LPIN2: variants seen among roughly 807,000 people sequenced by gnomAD.
LPIN2 encodes lipin 2.
LPIN2 carries 55 observed loss-of-function variants against 111.4 expected under a neutral mutation model. The ratio of observed to expected loss-of-function variants is 0.49; its 90% CI spans 0.40 to 0.62. The LOEUF (loss-of-function observed/expected upper bound fraction) is 0.62. LPIN2 is among the 20% of genes least tolerant of loss of function. LPIN2 has a pLI of 0.00. For synonymous variants in LPIN2, 425 were observed against 414.0 expected, an observed-to-expected ratio of 1.03 and a Z score of -0.32; for missense variants, 992 against 1,112.1, an observed-to-expected ratio of 0.89 and a Z score of 1.54.
rs201049869 is a variant in LPIN2 at position 2,989,330 on chromosome 18, A to T, written c.-10+23757T>A. Reference sequence around the variant, plus strand: ...TCTAAAAGAAAAAAAATGCCTAGGAATAAATTTAACCAAGGAGGTGAAAGC... The same window carrying T: ...TCTAAAAGAAAAAAAATGCCTAGGATTAAATTTAACCAAGGAGGTGAAAGC... On this transcript the variant is annotated intron_variant, in intron 1 of 19. Transcript: ENST00000677752. Among the ~76,000 whole-genome samples the T allele has an allele frequency of 1.1e-4, 16 of 152,340 alleles. No homozygotes were observed. In the East Asian group the frequency reaches 2.9e-3, roughly 27 times the overall value.
intron 2 of LPIN2, among the ~76,000 whole-genome samples, chr18:2,957,521 T>G (rs1231165812): frequency 2.0e-5 from 3 of 151,944 alleles, no homozygotes; most frequent in Admixed American, 6.6e-5. Context: ...CTTTAGGGAG[T>G]AGAGGTGGGC....
At chr18:3,007,434 G>A (rs1216813321) in intron 1 of LPIN2, among the ~76,000 whole-genome samples, 1 of 152,228 alleles carries the variant, frequency 6.6e-6, no homozygotes, top group Non-Finnish European at 1.5e-5. Context: ...GCCTCCCAAA[G>A]TGCTGGGATT....
At chr18:2,954,311 G>T (rs908902911) in intron 3 of LPIN2, among the ~76,000 whole-genome samples, 193 bp downstream of exon 3, 2 of 152,202 alleles carry the variant, frequency 1.3e-5, no homozygotes, top group East Asian at 1.9e-4. Flanking sequence ...CTGAAACTTT[G>T]TATGGAGAAA....
intron 1 of LPIN2, among the ~76,000 whole-genome samples, chr18:3,008,195 A>T (rs2078545088): frequency 6.6e-6 from 1 of 152,244 alleles, no homozygotes; most frequent in Non-Finnish European, 1.5e-5. Context: ...TAATCCCAAC[A>T]CTTTCGGAGG....
intron 8 of LPIN2, among the ~76,000 whole-genome samples, chr18:2,933,113 G>C (rs16944071): frequency 0.026 from 4,021 of 152,300 alleles, 179 homozygotes; most frequent in African/African-American, 0.091. Context: ...AAGATGCTAA[G>C]GATCATGACA....
At chr18:2,956,135 C>T (rs1233115888) in intron 2 of LPIN2, among the ~76,000 whole-genome samples, 1 of 151,996 alleles carries the variant, frequency 6.6e-6, no homozygotes, top group African/African-American at 2.4e-5. Flanking sequence ...AATTCTGAAA[C>T]TATTTTGTGT....
chr18:2,968,592 AG>A (rs1234128830), intron 1 of LPIN2, among the ~76,000 whole-genome samples: 4 of 145,004 alleles, frequency 2.8e-5, no homozygotes, highest in Non-Finnish European at 6.1e-5. Context: ...TACTTGGGAG[AG>A]TTAGGTAAGG....
chr18:3,007,002 TA>T (rs577110033), intron 1 of LPIN2, among the ~76,000 whole-genome samples: 2,961 of 142,806 alleles, frequency 0.021, 77 homozygotes, highest in African/African-American at 0.063. Flanking sequence ...CTTGTCTCTT[TA>T]AAAAAAAAAA....
chr18:2,966,504 G>A (rs551371823), intron 1 of LPIN2, among the ~76,000 whole-genome samples: 4 of 152,168 alleles, frequency 2.6e-5, no homozygotes, highest in African/African-American at 9.7e-5. Flanking sequence ...ACACTATTAA[G>A]TGGCAGAGTT....
chr18:2,958,363 A>G (rs1310055748), intron 2 of LPIN2, among the ~76,000 whole-genome samples: 1 of 151,978 alleles, frequency 6.6e-6, no homozygotes, highest in Non-Finnish European at 1.5e-5. Flanking sequence ...ATTATACTAC[A>G]TCTCTCTAAA....
Position 2,931,451 on chromosome 18 carries a change from C to A in LPIN2, c.1269-8G>T. ...GAACCGGGCTCCGATTCACTGTGGACAGGGGATGGGGAAAAGATGTGCTTT... is the reference window on the plus strand; with the variant it reads ...GAACCGGGCTCCGATTCACTGTGGAAAGGGGATGGGGAAAAGATGTGCTTT... On this transcript the variant is annotated splice_polypyrimidine_tract_variant and splice_region_variant and intron_variant, in intron 8 of 19. Transcript: ENST00000677752. The A allele has an allele frequency of 1.9e-6, 3 of 1,571,610 alleles. No homozygotes were observed. Among genetic ancestry groups the A allele is most frequent in the Non-Finnish European group, 1.7e-6 (2 of 1,158,506 alleles).
chr18:2,927,112 G>C (rs965860378), intron 12 of LPIN2, among the ~76,000 whole-genome samples: 1 of 152,174 alleles, frequency 6.6e-6, no homozygotes, highest in Non-Finnish European at 1.5e-5. Flanking sequence ...TTCTCCTCCT[G>C]GGAGTAACTC....
chr18:2,948,136 A>G (rs2077482620), intron 4 of LPIN2: 2 of 152,186 alleles, frequency 1.3e-5, no homozygotes, highest in Admixed American at 1.3e-4. Flanking sequence ...ATATTATTTA[A>G]GCAGATTCTA....
intron 8 of LPIN2, among the ~76,000 whole-genome samples, chr18:2,933,700 T>C (rs2144174121): frequency 6.6e-6 from 1 of 152,356 alleles, no homozygotes; most frequent in East Asian, 1.9e-4. Context: ...GGAGAAAAGT[T>C]GTTTTTTTCT....
At chr18:2,964,346 C>T (rs539740666) in intron 1 of LPIN2, among the ~76,000 whole-genome samples, 2 of 151,604 alleles carry the variant, frequency 1.3e-5, no homozygotes, top group East Asian at 1.9e-4. Flanking sequence ...CTATGACCTC[C>T]CTCTGTCCCC....
At chr18:2,939,135 T>C (rs1204023290) in intron 6 of LPIN2, among the ~76,000 whole-genome samples, 7 of 152,236 alleles carry the variant, frequency 4.6e-5, no homozygotes, top group African/African-American at 1.7e-4. Context: ...CTCTCCAGCA[T>C]GGGTGACAGA....
chr18:2,928,467 T>TA, intron 11 of LPIN2, 124 bp downstream of exon 11: 11 of 945,668 alleles, frequency 1.2e-5, no homozygotes, highest in Non-Finnish European at 1.9e-5. Context: ...TCTTTTATAT[T>TA]AAATATTAAG....
At chr18:2,953,777 A>C (rs1430103547) in intron 3 of LPIN2, among the ~76,000 whole-genome samples, 1 of 152,172 alleles carries the variant, frequency 6.6e-6, no homozygotes, top group Non-Finnish European at 1.5e-5. Context: ...CCTTTGAAAG[A>C]ATTTTTAAAA....
chr18:2,942,748 T>G (rs760364395), intron 4 of LPIN2, among the ~76,000 whole-genome samples: 1 of 152,198 alleles, frequency 6.6e-6, no homozygotes, highest in Non-Finnish European at 1.5e-5. Flanking sequence ...TTTATTAAAA[T>G]AGAAATTCCA....
Sources: gnomAD v4.1 joint callset for allele counts (sites outside exome capture counted in the v4.1 genomes callset) on GRCh38, gnomAD v4.1.1 for gene constraint, MANE v1.5 for transcripts, NCBI Gene and HGNC (gene_info 2026-07-23, HGNC 2026-07-21) for gene names.